Variants in CNTNAP5 observed in about 807,000 individuals in gnomAD.
The protein encoded by CNTNAP5 is contactin associated protein family member 5, also known as contactin-associated protein-like 5.
In CNTNAP5, 72 loss-of-function variants were observed where a neutral mutation model predicts 150.2. The observed-to-expected ratio is 0.48, with a 90% confidence interval of 0.40 to 0.58. The LOEUF is 0.58. Among genes scored for constraint, CNTNAP5 ranks in the 20% least tolerant of loss-of-function variants. The pLI, the probability that CNTNAP5 is intolerant of heterozygous loss-of-function variation, is 0.00. For synonymous variants in CNTNAP5, 672 were observed against 619.8 expected (o/e 1.08, Z -1.25); for missense variants, 1,636 against 1,626.2 (o/e 1.01, Z -0.10).
chr2:124,392,637 A>G (rs1691142921), intron 3 of CNTNAP5, among the ~76,000 whole-genome samples: 1 of 142,796 alleles, frequency 7.0e-6, no homozygotes, highest in Non-Finnish European at 1.5e-5. Flanking sequence ...CTTCTTAAGT[A>G]TGACATTTGA....
intron 11 of CNTNAP5, among the ~76,000 whole-genome samples, chr2:124,608,716 G>A (rs1438104549): frequency 6.6e-6 from 1 of 152,170 alleles, no homozygotes; most frequent in African/African-American, 2.4e-5. Flanking sequence ...GGAGGCTGAG[G>A]TGGGTGGATC....
intron 1 of CNTNAP5, among the ~76,000 whole-genome samples, chr2:124,118,329 G>T (rs1573766574): frequency 6.6e-6 from 1 of 152,118 alleles, no homozygotes; most frequent in East Asian, 1.9e-4. Context: ...ACCTTGGATT[G>T]TCATTTGTGC....
At chr2:124,793,859 T>G (rs935749119) in intron 18 of CNTNAP5, among the ~76,000 whole-genome samples, 8 of 152,156 alleles carry the variant, frequency 5.3e-5, no homozygotes, top group East Asian at 3.9e-4. Flanking sequence ...ATTTAAATGT[T>G]TTTTCTTCTT....
At chr2:124,831,178 C>T (rs1392516420) in intron 19 of CNTNAP5, among the ~76,000 whole-genome samples, 4 of 151,962 alleles carry the variant, frequency 2.6e-5, no homozygotes, top group Non-Finnish European at 5.9e-5. Context: ...CATACATTCT[C>T]TTTTCACAAC....
At chr2:124,171,138 G>C (rs2104664169) in intron 1 of CNTNAP5, among the ~76,000 whole-genome samples, 1 of 152,328 alleles carries the variant, frequency 6.6e-6, no homozygotes, top group Non-Finnish European at 1.5e-5. Context: ...ACAGGATAGA[G>C]TTACAGCAGC....
chr2:124,361,662 C>A (rs10180886), intron 3 of CNTNAP5, among the ~76,000 whole-genome samples: 2 of 138,226 alleles, frequency 1.4e-5, no homozygotes, highest in Admixed American at 1.4e-4. Flanking sequence ...GGCAGTCTGC[C>A]GGTTCTCAGA....
At chr2:124,607,961 T>C (rs1199512089) in intron 11 of CNTNAP5, among the ~76,000 whole-genome samples, 1 of 152,192 alleles carries the variant, frequency 6.6e-6, no homozygotes, top group Non-Finnish European at 1.5e-5. Context: ...CTGCGGAAAG[T>C]TTGCTGGAAT....
chr2:124,503,546 C>T (rs1694325303), intron 7 of CNTNAP5, among the ~76,000 whole-genome samples: 1 of 152,170 alleles, frequency 6.6e-6, no homozygotes, highest in Admixed American at 6.6e-5. Context: ...CTTTCATCTA[C>T]TCCTCATCTA....
intron 3 of CNTNAP5, among the ~76,000 whole-genome samples, chr2:124,380,954 A>G (rs1690779019): frequency 6.6e-6 from 1 of 152,192 alleles, no homozygotes; most frequent in Non-Finnish European, 1.5e-5. Flanking sequence ...TGGAATATGA[A>G]GGACCTGATA....
At chr2:124,306,832 A>T (rs561560928) in intron 3 of CNTNAP5, among the ~76,000 whole-genome samples, 49 of 143,078 alleles carry the variant, frequency 3.4e-4, no homozygotes, top group Non-Finnish European at 5.2e-4. Flanking sequence ...GGTTCCAATG[A>T]TTCTCCTGCC....
intron 1 of CNTNAP5, among the ~76,000 whole-genome samples, chr2:124,064,532 G>C (rs1469019429): frequency 6.6e-6 from 1 of 151,966 alleles, no homozygotes; most frequent in Non-Finnish European, 1.5e-5. Context: ...TTTCTAACTG[G>C]TCTCCTGCAT....
chr2:124,096,523 A>G (rs1682937006), intron 1 of CNTNAP5, among the ~76,000 whole-genome samples: 1 of 151,964 alleles, frequency 6.6e-6, no homozygotes, highest in Non-Finnish European at 1.5e-5. Context: ...CTATGACACA[A>G]ACTCCCTCAC....
intron 1 of CNTNAP5, among the ~76,000 whole-genome samples, chr2:124,212,903 A>C (rs900026920): frequency 2.4e-5 from 3 of 123,314 alleles, no homozygotes; most frequent in Non-Finnish European, 3.1e-5. Context: ...CAATGGCGCT[A>C]TCTCTGCTCA....
chr2:124,036,370 G>A (rs961562086), intron 1 of CNTNAP5, among the ~76,000 whole-genome samples: 1 of 152,010 alleles, frequency 6.6e-6, no homozygotes, highest in Admixed American at 6.6e-5. Context: ...TGGATGAGCT[G>A]TGGGTTACAA....
At chr2:124,282,356 T>A (rs1054068787) in intron 3 of CNTNAP5, among the ~76,000 whole-genome samples, 1 of 152,192 alleles carries the variant, frequency 6.6e-6, no homozygotes, top group Non-Finnish European at 1.5e-5. Flanking sequence ...GCAAATGTCA[T>A]GTCTTTGAAA....
At chr2:124,278,201 T>TAA (rs1351669540) in intron 3 of CNTNAP5, among the ~76,000 whole-genome samples, 1 of 152,170 alleles carries the variant, frequency 6.6e-6, no homozygotes, top group Non-Finnish European at 1.5e-5. Context: ...GACCCAATGC[T>TAA]ATATTTAAGG....
intron 1 of CNTNAP5, among the ~76,000 whole-genome samples, chr2:124,183,634 A>C (rs573707672): frequency 6.6e-6 from 1 of 152,320 alleles, no homozygotes; most frequent in East Asian, 1.9e-4. Flanking sequence ...AAGCACAGTT[A>C]ATATATTTCA....
At chr2:124,568,199 T>C (rs553928506) in intron 11 of CNTNAP5, among the ~76,000 whole-genome samples, 4 of 152,302 alleles carry the variant, frequency 2.6e-5, no homozygotes, top group East Asian at 3.9e-4. Context: ...GAGATCATAA[T>C]TGAAAATACA....
chr2:124,558,859 G>C (rs1695822569), intron 10 of CNTNAP5, among the ~76,000 whole-genome samples: 1 of 152,134 alleles, frequency 6.6e-6, no homozygotes, highest in Admixed American at 6.5e-5. Context: ...TCTGCTGAAA[G>C]TGTGCTTGCC....
Sources: gnomAD v4.1 joint callset for allele counts (sites outside exome capture counted in the v4.1 genomes callset) on GRCh38, gnomAD v4.1.1 for gene constraint, MANE v1.5 for transcripts, NCBI Gene and HGNC (gene_info 2026-07-23, HGNC 2026-07-21) for gene names.